The following PACRG variants were observed in gnomAD, a reference collection of about 807,000 sequenced individuals.
The protein encoded by PACRG is parkin coregulated.
Under a neutral mutation model 29.7 loss-of-function variants are expected in PACRG, and 29 were observed. The ratio of observed to expected loss-of-function variants is 0.98; its 90% CI spans 0.73 to 1.33. The LOEUF (loss-of-function observed/expected upper bound fraction) is 1.33, where lower values mean the gene tolerates loss of function less well. Among genes scored for constraint, PACRG ranks in the 40% most tolerant of loss-of-function variants. PACRG has a pLI of 0.00. For synonymous variants in PACRG, 116 were observed against 118.7 expected, an observed-to-expected ratio of 0.98 and a Z score of 0.15; for missense variants, 279 against 316.2, an observed-to-expected ratio of 0.88 and a Z score of 0.89.
At chr6:163,203,935 T>A (rs79105206) in intron 4 of PACRG, among the ~76,000 whole-genome samples, 3 of 152,164 alleles carry the variant, frequency 2.0e-5, no homozygotes, top group Non-Finnish European at 2.9e-5. Flanking sequence ...CATACCTGAG[T>A]GAGGTGTGAT....
chr6:163,291,398 T>C (rs1238735457), intron 4 of PACRG, among the ~76,000 whole-genome samples: 1 of 147,200 alleles, frequency 6.8e-6, no homozygotes, highest in Non-Finnish European at 1.5e-5. Context: ...CCCTGCAAGA[T>C]GACCCTCTGC....
At chr6:163,043,533 CAG>C (rs1808974515) in intron 2 of PACRG, among the ~76,000 whole-genome samples, 1 of 151,442 alleles carries the variant, frequency 6.6e-6, no homozygotes, top group African/African-American at 2.4e-5. Context: ...GCCTGGGTGA[CAG>C]AGCAAGACTC....
intron 1 of PACRG, among the ~76,000 whole-genome samples, chr6:162,761,963 C>A (rs1327535437): frequency 6.8e-6 from 1 of 147,040 alleles, no homozygotes; most frequent in Admixed American, 6.8e-5. Flanking sequence ...GAAACCCCCC[C>A]CCAAAAAAAA....
intron 4 of PACRG, among the ~76,000 whole-genome samples, chr6:163,106,821 G>A (rs1168144345): frequency 1.3e-5 from 2 of 152,200 alleles, no homozygotes; most frequent in Non-Finnish European, 2.9e-5. Flanking sequence ...GTGCACGGAA[G>A]TCCTCATCAT....
At chr6:162,899,312 C>T (rs954176508) in intron 2 of PACRG, among the ~76,000 whole-genome samples, 1 of 152,088 alleles carries the variant, frequency 6.6e-6, no homozygotes, top group African/African-American at 2.4e-5. Flanking sequence ...GGAGAGCTGG[C>T]ATAGATGAGG....
intron 2 of PACRG, among the ~76,000 whole-genome samples, chr6:162,889,709 T>A (rs974220680): frequency 6.6e-6 from 1 of 152,260 alleles, no homozygotes; most frequent in South Asian, 2.1e-4. Context: ...CTTCTACTTA[T>A]ATAAGCATCT....
intron 2 of PACRG, among the ~76,000 whole-genome samples, chr6:162,936,194 G>C (rs1005424500): frequency 1.3e-5 from 2 of 152,084 alleles, no homozygotes; most frequent in Admixed American, 1.3e-4. Flanking sequence ...CAGTATGAGG[G>C]AAACCACCCC....
chr6:163,095,463 A>G lies in PACRG; in HGVS notation c.613+6055A>G, dbSNP rs146518916. On this transcript the variant is annotated intron_variant, in intron 4 of 4. Transcript: ENST00000366888. Reference sequence around the variant, plus strand: ...CTTAGCTTCCTGGAGCCACGTAACAAATTACCATACACAGAATGGCTTAAA... The same window carrying G: ...CTTAGCTTCCTGGAGCCACGTAACAGATTACCATACACAGAATGGCTTAAA... The G allele has an allele frequency of 3.1e-6, 3 of 968,148 alleles. No homozygotes were observed. In the African/African-American group the frequency reaches 5.3e-5, roughly 17 times the overall value. The allele number at this position is 968,148 out of a possible 1,614,324, so 60.0% of individuals were successfully genotyped here.
chr6:163,001,410 G>A (rs1185013024), intron 2 of PACRG, among the ~76,000 whole-genome samples: 2 of 152,232 alleles, frequency 1.3e-5, no homozygotes, highest in African/African-American at 2.4e-5. Context: ...TCCAGAGAAC[G>A]TCCCATAAGA....
chr6:163,051,912 C>G (rs1392189115), intron 2 of PACRG: 2 of 152,142 alleles, frequency 1.3e-5, no homozygotes, highest in Non-Finnish European at 2.9e-5. Flanking sequence ...TGTCTGCCAT[C>G]TTGCCTGAAA....
At chr6:162,914,270 C>A (rs1796527682) in intron 2 of PACRG, among the ~76,000 whole-genome samples, 1 of 151,964 alleles carries the variant, frequency 6.6e-6, no homozygotes, top group African/African-American at 2.4e-5. Flanking sequence ...TTTTTCCATA[C>A]AGATATAAGT....
intron 2 of PACRG, among the ~76,000 whole-genome samples, chr6:162,947,355 A>G (rs1353720781): frequency 4.8e-5 from 2 of 41,768 alleles, no homozygotes; most frequent in Non-Finnish European, 1.0e-4. Context: ...GATTACATAT[A>G]TATAATGTAA....
At position 162,969,046 on chromosome 6, in the gene PACRG, C is replaced by CAAAAAAAAAAA. The variant is rs35665491; in HGVS notation, c.292-93094_292-93084dup. On this transcript the variant is annotated intron_variant, in intron 2 of 4. Coordinates refer to ENST00000366888, the MANE Select transcript of PACRG (RefSeq NM_001080379.2). Reference sequence around the variant, plus strand: ...TGGGGAACAGAGCGAGACTCTATCACAAAAAAAAAAAAAAAAAAAAGTAAC... The same window carrying CAAAAAAAAAAA: ...TGGGGAACAGAGCGAGACTCTATCACAAAAAAAAAAAAAAAAAAAAAAAAAAAAAAAGTAAC... Among the ~76,000 whole-genome samples the CAAAAAAAAAAA allele has an allele frequency of 1.3e-3, 95 of 72,770 alleles. 6 individuals carry two copies. The highest frequency in any genetic ancestry group is 0.011 in the East Asian group (22 of 1,984). The allele number at this position is 72,770 out of a possible 152,430, so 47.7% of individuals were successfully genotyped here.
At chr6:163,071,957 A>T (rs1812096653) in intron 3 of PACRG, among the ~76,000 whole-genome samples, 1 of 152,058 alleles carries the variant, frequency 6.6e-6, no homozygotes, top group African/African-American at 2.4e-5. Flanking sequence ...CCAGCAAAGA[A>T]AATCCCAGGA....
At chr6:162,833,568 T>C (rs1788959737) in intron 2 of PACRG, among the ~76,000 whole-genome samples, 1 of 152,218 alleles carries the variant, frequency 6.6e-6, no homozygotes, top group South Asian at 2.1e-4. Flanking sequence ...TGGCATGAGA[T>C]GGTATTTCAT....
At chr6:163,064,043 C>A (rs1811320872) in intron 3 of PACRG, among the ~76,000 whole-genome samples, 1 of 151,454 alleles carries the variant, frequency 6.6e-6, no homozygotes, top group Non-Finnish European at 1.5e-5. Flanking sequence ...ACTATTTGTT[C>A]TTTTCCTCTG....
chr6:163,269,971 GAAAGAAA>G (rs1783751143), intron 4 of PACRG, among the ~76,000 whole-genome samples: 1 of 61,238 alleles, frequency 1.6e-5, no homozygotes, highest in African/African-American at 6.3e-5. Flanking sequence ...AAGAAAGAAA[GAAAGAAA>G]GAAAGAAAGA....
chr6:163,251,390 G>A (rs1782898959), intron 4 of PACRG, among the ~76,000 whole-genome samples: 2 of 152,282 alleles, frequency 1.3e-5, no homozygotes, highest in Non-Finnish European at 2.9e-5. Context: ...TTGCACATTC[G>A]ATAGTGATGG....
chr6:162,881,350 C>G (rs1305664912), intron 2 of PACRG, among the ~76,000 whole-genome samples: 2 of 151,438 alleles, frequency 1.3e-5, no homozygotes, highest in African/African-American at 4.8e-5. Context: ...TACATGCACC[C>G]ACGCAAAAGG....
Sources: gnomAD v4.1 joint callset for allele counts (sites outside exome capture counted in the v4.1 genomes callset) on GRCh38, gnomAD v4.1.1 for gene constraint, MANE v1.5 for transcripts, NCBI Gene and HGNC (gene_info 2026-07-23, HGNC 2026-07-21) for gene names.